The following SH3D19 variants were observed in gnomAD, a reference collection of about 807,000 sequenced individuals.
The protein encoded by SH3D19 is SH3 domain-containing protein 19.
A neutral mutation model predicts 112.1 loss-of-function variants in SH3D19; 58 were observed. That is an observed-to-expected ratio of 0.52 (90% CI 0.42 to 0.64). The LOEUF (loss-of-function observed/expected upper bound fraction) is 0.64, where lower values mean the gene tolerates loss of function less well. SH3D19 is among the 30% of genes least tolerant of loss of function. The probability of loss-of-function intolerance (pLI) is 0.00; values close to 1 mark genes in which losing one functional copy is unlikely to be tolerated. For synonymous variants in SH3D19, 391 were observed against 448.5 expected, an observed-to-expected ratio of 0.87 and a Z score of 1.62; for missense variants, 1,090 against 1,263.4, an observed-to-expected ratio of 0.86 and a Z score of 2.08.
intron 1 of SH3D19, chr4:151,226,330 G>A (rs1019555276): frequency 1.7e-6 from 2 of 1,163,692 alleles, no homozygotes; most frequent in Admixed American, 4.6e-5. Context: ...ATCATTACAT[G>A]CATTATTTCA....
At chr4:151,266,742 G>A (rs1420918144) in intron 1 of SH3D19, among the ~76,000 whole-genome samples, 1 of 152,150 alleles carries the variant, frequency 6.6e-6, no homozygotes, top group African/African-American at 2.4e-5. Flanking sequence ...TGGAAGACCT[G>A]CCTAAGTGAA....
intron 2 of SH3D19, among the ~76,000 whole-genome samples, chr4:151,198,403 T>C (rs1763872376): frequency 7.0e-6 from 1 of 143,744 alleles, no homozygotes; most frequent in Non-Finnish European, 1.5e-5. Context: ...ATATATCATA[T>C]ATTATATATT....
intron 1 of SH3D19, among the ~76,000 whole-genome samples, chr4:151,233,140 T>C (rs953518469): frequency 6.6e-6 from 1 of 151,952 alleles, no homozygotes; most frequent in Non-Finnish European, 1.5e-5. Flanking sequence ...TCTGATGATC[T>C]GTCACTGTCT....
chr4:151,139,712 G>C (rs1379548843), intron 13 of SH3D19, 63 bp downstream of exon 13: 14 of 1,466,482 alleles, frequency 9.5e-6, no homozygotes, highest in Non-Finnish European at 1.3e-5. Flanking sequence ...GCTAACCCCC[G>C]GCAGGGAAAA....
At chr4:151,188,849 G>C (rs896129421) in intron 2 of SH3D19, among the ~76,000 whole-genome samples, 1 of 152,178 alleles carries the variant, frequency 6.6e-6, no homozygotes, top group African/African-American at 2.4e-5. Context: ...CTTGAAAATA[G>C]AGTCCATACA....
At chr4:151,286,026 T>C (rs569623986) in intron 1 of SH3D19, among the ~76,000 whole-genome samples, 126 of 143,384 alleles carry the variant, frequency 8.8e-4, no homozygotes, top group Non-Finnish European at 1.7e-3. Context: ...TGAGACCCTA[T>C]CTCTAAAAAA....
chr4:151,283,412 T>C (rs1334697660), intron 1 of SH3D19: 3 of 773,682 alleles, frequency 3.9e-6, no homozygotes, highest in South Asian at 3.7e-5. Context: ...AACTCTTATG[T>C]TACCCTGGAC....
chr4:151,309,116 G>C (rs1197168724), intron 1 of SH3D19, among the ~76,000 whole-genome samples: 1 of 152,290 alleles, frequency 6.6e-6, no homozygotes, highest in African/African-American at 2.4e-5. Flanking sequence ...TGATTCACCC[G>C]CCTTGGTGTC....
chr4:151,277,252 C>A, intron 1 of SH3D19: 1 of 1,464,516 alleles, frequency 6.8e-7, no homozygotes. Context: ...GTTGAGAAGG[C>A]AGAGGCAGAG....
intron 2 of SH3D19, among the ~76,000 whole-genome samples, chr4:151,205,436 A>T (rs574701070): frequency 6.6e-6 from 1 of 152,124 alleles, no homozygotes; most frequent in Non-Finnish European, 1.5e-5. Flanking sequence ...CATCCCCCTG[A>T]TGGTTGTCAG....
intron 2 of SH3D19, among the ~76,000 whole-genome samples, chr4:151,214,020 C>G (rs1049901303): frequency 1.3e-4 from 19 of 149,478 alleles, no homozygotes; most frequent in Admixed American, 6.7e-4. Context: ...TGAGGCCTTC[C>G]GCAGTGTTTG....
intron 1 of SH3D19, among the ~76,000 whole-genome samples, chr4:151,307,249 C>T (rs1029373940): frequency 8.5e-5 from 13 of 152,124 alleles, no homozygotes; most frequent in African/African-American, 3.1e-4. Flanking sequence ...GTCTCGATCT[C>T]CTGACCTCGT....
chr4:151,152,542 T>C (rs1351317084), intron 9 of SH3D19, among the ~76,000 whole-genome samples: 1 of 144,376 alleles, frequency 6.9e-6, no homozygotes, highest in Non-Finnish European at 1.5e-5. Context: ...TTTTCTGAGA[T>C]GGAGTCTCAC....
intron 1 of SH3D19, among the ~76,000 whole-genome samples, chr4:151,232,141 G>C (rs527674059): frequency 6.6e-6 from 1 of 152,150 alleles, no homozygotes; most frequent in Non-Finnish European, 1.5e-5. Flanking sequence ...CTGAGGTCAC[G>C]CCACTGCACT....
intron 2 of SH3D19, among the ~76,000 whole-genome samples, chr4:151,201,300 C>T (rs968621910): frequency 1.3e-5 from 2 of 152,238 alleles, no homozygotes; most frequent in African/African-American, 4.8e-5. Context: ...AAATGAATTA[C>T]AGCATGCATA....
intron 1 of SH3D19, among the ~76,000 whole-genome samples, chr4:151,301,473 C>T (rs1457360606): frequency 6.6e-6 from 1 of 152,192 alleles, no homozygotes; most frequent in Non-Finnish European, 1.5e-5. Context: ...GTGATCCGCC[C>T]GCCTCAGCCT....
At chr4:151,178,195 C>T (rs954479653) in intron 4 of SH3D19, among the ~76,000 whole-genome samples, 8 of 152,230 alleles carry the variant, frequency 5.3e-5, no homozygotes, top group Non-Finnish European at 1.0e-4. Context: ...GGCACTGTGC[C>T]TGGAGCATGT....
rs373226912 is a variant in SH3D19, at chr4:151,228,638, G to A, written c.113-2552C>T. On this transcript the variant is annotated intron_variant, in intron 1 of 19. Coordinates refer to ENST00000604030, the MANE Select transcript of SH3D19 (RefSeq NM_001378122.1). ...CAAAATAATAAGTGGTTATTATTTT[G>A]TTCCAAAAGCCAAGACTGAACAAAA... 1.6e-4 allele frequency among the ~76,000 whole-genome samples: 24 copies of A among 152,192 alleles called. No individual in the cohort carries two copies. The South Asian group carries it at 2.9e-3, about 18-fold the overall frequency.
At chr4:151,242,640 C>T (rs954158522) in intron 1 of SH3D19, among the ~76,000 whole-genome samples, 12 of 152,070 alleles carry the variant, frequency 7.9e-5, no homozygotes, top group Non-Finnish European at 1.6e-4. Context: ...AAAGGAAAAA[C>T]TGAAATGGAA....
Sources: allele counts gnomAD v4.1 joint callset (sites outside exome capture counted in the v4.1 genomes callset), GRCh38; gene constraint gnomAD v4.1.1; transcripts MANE v1.5; gene names NCBI Gene and HGNC (gene_info 2026-07-23, HGNC 2026-07-21).